UBXN4: variants seen among roughly 807,000 people sequenced by gnomAD.
UBXN4 encodes UBX domain protein 4.
Under a neutral mutation model 66.2 loss-of-function variants are expected in UBXN4, and 35 were observed. The observed-to-expected ratio is 0.53, with a 90% CI of 0.40 to 0.70. The LOEUF (loss-of-function observed/expected upper bound fraction) is 0.70, where lower values mean the gene tolerates loss of function less well. Ranked by LOEUF, UBXN4 falls within the 30% of genes least tolerant of loss-of-function variation. UBXN4 has a pLI of 0.00. For missense variants in UBXN4, 533 were observed against 599.8 expected, an observed-to-expected ratio of 0.89 and a Z score of 1.16; for synonymous variants, 203 against 204.5, an observed-to-expected ratio of 0.99 and a Z score of 0.06.
rs775488932 is a variant in UBXN4 at position 135,779,064 on chromosome 2, G to A, written c.1170G>A (p.Ser390=). The A allele has an allele frequency of 2.2e-5, 35 of 1,612,444 alleles. No individual in the cohort carries two copies. The Admixed American group carries it at 3.5e-4, about 16-fold the overall frequency. The change falls in exon 11 of 13, where the codon TCG becomes TCA. Residue 390 remains serine, a synonymous_variant. Transcript: ENST00000272638. ...LLDLELAPSA[S]VVLLPAGRPT... is the part of the protein sequence containing the mutation. ...ATTTGGAACTTGCCCCAAGCGCTTCGGTGGTACTGTTGCCAGTATGTATAT... is the reference window on the plus strand; with the variant it reads ...ATTTGGAACTTGCCCCAAGCGCTTCAGTGGTACTGTTGCCAGTATGTATAT...
intron 1 of UBXN4, chr2:135,748,062 A>G: frequency 2.2e-6 from 1 of 452,902 alleles, no homozygotes; most frequent in Non-Finnish European, 3.9e-6. Flanking sequence ...TAAATAGTCC[A>G]GTGTAGTTTG....
Position 135,741,879 on chromosome 2 carries a change from C to A in UBXN4, c.-51C>A. On this transcript the variant is annotated 5_prime_UTR_variant, in exon 1 of 13. Transcript: ENST00000272638. ...CGAAGACGGAGGGCGGAGCCGGCTT[C>A]GGGACTGCGGAGACTACACACCGAG... 1 of 1,566,996 alleles carries A rather than the reference C, an allele frequency of 6.4e-7. No homozygotes were observed. The highest frequency in any genetic ancestry group is 8.7e-7 in the Non-Finnish European group (1 of 1,154,690).
At chr2:135,776,453 C>T in intron 10 of UBXN4, 102 bp downstream of exon 10, 1 of 1,010,384 alleles carries the variant, frequency 9.9e-7, no homozygotes, top group Non-Finnish European at 1.5e-6. Flanking sequence ...TGAATTGTGA[C>T]CTCTCCAGGA....
intron 7 of UBXN4, among the ~76,000 whole-genome samples, 195 bp from the exon 8 acceptor site, chr2:135,770,373 CATT>C (rs2077375919): frequency 6.6e-6 from 1 of 152,172 alleles, no homozygotes; most frequent in Admixed American, 6.5e-5. Context: ...ACACTGACTA[CATT>C]ATTATCTTAA....
At chr2:135,745,011 G>A (rs930399081) in intron 1 of UBXN4, among the ~76,000 whole-genome samples, 1 of 152,174 alleles carries the variant, frequency 6.6e-6, no homozygotes, top group African/African-American at 2.4e-5. Context: ...GTGAGGGAGT[G>A]ATGCACCAGC....
intron 1 of UBXN4, among the ~76,000 whole-genome samples, chr2:135,747,312 C>T (rs1397272975): frequency 7.8e-6 from 1 of 128,036 alleles, no homozygotes; most frequent in Non-Finnish European, 1.6e-5. Context: ...TGCACCATTG[C>T]ACTACAACCT....
At chr2:135,752,284 T>A (rs2077247421) in intron 2 of UBXN4, among the ~76,000 whole-genome samples, 1 of 152,152 alleles carries the variant, frequency 6.6e-6, no homozygotes, top group African/African-American at 2.4e-5. Flanking sequence ...CCTGACCTCA[T>A]AATCCACTTG....
At chr2:135,757,900 C>T (rs573202953) in intron 5 of UBXN4, among the ~76,000 whole-genome samples, 8 of 151,810 alleles carry the variant, frequency 5.3e-5, no homozygotes, top group Admixed American at 4.6e-4. Flanking sequence ...CTGGACAACA[C>T]GGCAAAACTC....
At chr2:135,779,484 C>G (rs1247414589) in intron 11 of UBXN4, among the ~76,000 whole-genome samples, 1 of 152,072 alleles carries the variant, frequency 6.6e-6, no homozygotes, top group East Asian at 1.9e-4. Context: ...ATTTTAATCT[C>G]TGGTGAAGAA....
intron 5 of UBXN4, among the ~76,000 whole-genome samples, chr2:135,759,273 A>G (rs1559540093): frequency 1.3e-5 from 2 of 152,234 alleles, no homozygotes; most frequent in African/African-American, 2.4e-5. Flanking sequence ...TATCTAAAAG[A>G]TAAGAAATTT....
At chr2:135,775,570 A>G (rs1406889774) in intron 9 of UBXN4, among the ~76,000 whole-genome samples, 2 of 152,220 alleles carry the variant, frequency 1.3e-5, no homozygotes, top group Non-Finnish European at 2.9e-5. Context: ...ATTACACAAC[A>G]TGCCCAAAAT....
rs1258670355 is a variant in UBXN4 at position 135,779,886 on chromosome 2, ATATT to A, written c.1186-296_1186-293del. On this transcript the variant is annotated intron_variant, in intron 11 of 12. Transcript: ENST00000272638. ...TATAAAATAATTTTATAATTATAAT[ATATT>A]ATATAAAATATAATATATATAATAT... 9.8e-4 allele frequency among the ~76,000 whole-genome samples: 133 copies of A among 135,540 alleles called. 1 individual carries two copies. Among genetic ancestry groups the A allele is most frequent in the African/African-American group, 3.4e-3 (123 of 36,310 alleles). The allele number at this position is 135,540 out of a possible 152,430, so 88.9% of individuals were successfully genotyped here.
Position 135,747,629 on chromosome 2 carries a change from T to C in UBXN4, c.83-638T>C, listed in dbSNP as rs1461293587. On this transcript the variant is annotated intron_variant, in intron 1 of 12. Transcript: ENST00000272638. The stretch of plus-strand genomic sequence containing the variant: ...AAAGGTGCCACATAAAGGACAGATA[T>C]CAAACTTTTTATTTTTCTCTCTCTC... The C allele has an allele frequency of 3.3e-5, 15 of 456,404 alleles. No homozygotes were observed. The East Asian group carries it at 9.7e-4, about 30-fold the overall frequency. 28.3% of individuals were successfully genotyped at this position (456,404 alleles called of 1,614,324 possible). A position where few individuals can be genotyped will look rare whatever the true frequency, so the allele number is the denominator to read the frequency against.
intron 4 of UBXN4, 68 bp from the exon 5 acceptor site, chr2:135,755,449 G>C (rs1054487808): frequency 2.4e-6 from 3 of 1,235,632 alleles, no homozygotes; most frequent in East Asian, 5.8e-5. Context: ...CCTGTATTTT[G>C]GTCTCTACTG....
In UBXN4 at chr2:135,783,399, C is replaced by T. The variant is rs2077461865; in HGVS notation, c.*512C>T. 1 of 152,246 alleles carries T rather than the reference C, an allele frequency of 6.6e-6. No homozygotes were observed. Among genetic ancestry groups the T allele is most frequent in the Admixed American group, 6.5e-5 (1 of 15,278 alleles). The allele number at this position is 152,246 out of a possible 1,614,324, so 9.4% of individuals were successfully genotyped here. A position where few individuals can be genotyped will look rare whatever the true frequency, so the allele number is the denominator to read the frequency against. ...CTTAAACACTGAATAAAAAAACTTT[C>T]CCCTAAATTGGAATGATCTTAGTTT... is the stretch of plus-strand genomic sequence containing the variant. On this transcript the variant is annotated 3_prime_UTR_variant, in exon 13 of 13. Coordinates refer to ENST00000272638, the MANE Select transcript of UBXN4 (RefSeq NM_014607.4).
At position 135,780,255 on chromosome 2, in the gene UBXN4, T is replaced by G; in HGVS notation, c.1258T>G (p.Tyr420Asp). 9 of 1,614,192 alleles carry G rather than the reference T, an allele frequency of 5.6e-6. No individual in the cohort carries two copies. Among genetic ancestry groups the G allele is most frequent in the Non-Finnish European group, 7.6e-6 (9 of 1,180,036 alleles). The change falls in exon 12 of 13, where the codon TAT (tyrosine) becomes GAT (aspartate). Residue 420 changes from tyrosine to aspartate, a missense_variant. Coordinates refer to ENST00000272638, the MANE Select transcript of UBXN4 (RefSeq NM_014607.4). The stretch of plus-strand genomic sequence containing the variant: ...TTGGACCTTGTTGGGAACAGTGCTT[T>G]ATCCATTCCTTGCCATCTGGAGATT... ...DIWTLLGTVL[Y>D]PFLAIWRLIS...
chr2:135,757,122 A>G (rs765173325), intron 5 of UBXN4, among the ~76,000 whole-genome samples: 1 of 152,196 alleles, frequency 6.6e-6, no homozygotes, highest in African/African-American at 2.4e-5. Flanking sequence ...ATTTTGGTCC[A>G]TATATCTTGC....
chr2:135,748,127 T>C, intron 1 of UBXN4, 140 bp from the exon 2 acceptor site: 1 of 516,912 alleles, frequency 1.9e-6, no homozygotes. Flanking sequence ...TTTCATTTAG[T>C]GGAAAATTCA....
intron 6 of UBXN4, among the ~76,000 whole-genome samples, chr2:135,765,462 C>T (rs184017228): frequency 1.4e-4 from 21 of 152,014 alleles, no homozygotes; most frequent in Middle Eastern, 3.4e-3. Flanking sequence ...CTGCCCGCCT[C>T]GGCCTCCCAA....
Sources: allele counts gnomAD v4.1 joint callset (sites outside exome capture counted in the v4.1 genomes callset), GRCh38; gene constraint gnomAD v4.1.1; transcripts MANE v1.5; gene names NCBI Gene and HGNC (gene_info 2026-07-23, HGNC 2026-07-21).